MACROD2: variants seen among roughly 807,000 people sequenced by gnomAD.
The protein encoded by MACROD2 is ADP-ribose glycohydrolase MACROD2.
MACROD2 carries 36 observed loss-of-function variants against 70.4 expected under a neutral mutation model. The ratio of observed to expected loss-of-function variants is 0.51; its 90% CI spans 0.39 to 0.68. The LOEUF (loss-of-function observed/expected upper bound fraction) is 0.68. MACROD2 is among the 30% of genes least tolerant of loss of function. The probability of loss-of-function intolerance (pLI) is 0.00; values close to 1 mark genes in which losing one functional copy is unlikely to be tolerated. For missense variants in MACROD2, 496 were observed against 538.4 expected (o/e 0.92, Z 0.78); for synonymous variants, 172 against 178.8 (o/e 0.96, Z 0.30).
intron 11 of MACROD2, among the ~76,000 whole-genome samples, chr20:15,934,259 G>C (rs1346565584): frequency 6.6e-6 from 1 of 152,146 alleles, no homozygotes; most frequent in Non-Finnish European, 1.5e-5. Flanking sequence ...CAGGTAGTGT[G>C]ATAAGTTTTT....
intron 8 of MACROD2, among the ~76,000 whole-genome samples, chr20:15,669,506 T>C (rs915423588): frequency 6.6e-6 from 1 of 152,058 alleles, no homozygotes; most frequent in African/African-American, 2.4e-5. Context: ...ACCACATCAC[T>C]CCCCCCAACT....
At chr20:14,688,554 A>G (rs577390012) in intron 5 of MACROD2, among the ~76,000 whole-genome samples, 17 of 151,274 alleles carry the variant, frequency 1.1e-4, no homozygotes, top group Admixed American at 4.0e-4. Flanking sequence ...ATATTGGTCA[A>G]TATTTCATTG....
chr20:14,558,267 T>C (rs1209466444), intron 4 of MACROD2, among the ~76,000 whole-genome samples: 1 of 151,734 alleles, frequency 6.6e-6, no homozygotes, highest in African/African-American at 2.4e-5. Flanking sequence ...CAGAAATTGA[T>C]TGTGGTGATG....
chr20:14,523,140 G>A (rs2085189315), intron 4 of MACROD2, among the ~76,000 whole-genome samples: 1 of 152,060 alleles, frequency 6.6e-6, no homozygotes, highest in Non-Finnish European at 1.5e-5. Context: ...ACGCTGGCAT[G>A]TTTCTGCTGT....
intron 3 of MACROD2, among the ~76,000 whole-genome samples, chr20:14,368,530 G>A (rs1395790878): frequency 1.3e-5 from 2 of 151,310 alleles, no homozygotes; most frequent in South Asian, 2.1e-4. Context: ...GTGACAGAGC[G>A]AGACTCTGTC....
At chr20:15,639,470 C>T (rs1321238580) in intron 8 of MACROD2, among the ~76,000 whole-genome samples, 2 of 152,150 alleles carry the variant, frequency 1.3e-5, no homozygotes, top group Non-Finnish European at 2.9e-5. Flanking sequence ...TCTCCTCAGC[C>T]CCCACTGTAG....
rs144792282 is a variant in MACROD2, at chr20:15,070,079, G to C, written c.419-159861G>C. Among the ~76,000 whole-genome samples, 97 of 152,238 alleles carry C rather than the reference G, an allele frequency of 6.4e-4. 2 individuals are homozygous for C. In the East Asian group the frequency reaches 0.012, roughly 19 times the overall value. ...AAGCTACAGGGGCAGGGCTTCCCAA[G>C]GCCTTGGGAGCCCACCCCTCACACC... On this transcript the variant is annotated intron_variant, in intron 5 of 17. Coordinates refer to ENST00000684519, the MANE Select transcript of MACROD2 (RefSeq NM_001351661.2).
intron 8 of MACROD2, among the ~76,000 whole-genome samples, chr20:15,858,375 A>G (rs1352681834): frequency 1.3e-5 from 2 of 152,142 alleles, no homozygotes; most frequent in African/African-American, 4.8e-5. Context: ...TATGGGGCAT[A>G]TGGGCCCTTT....
chr20:14,375,053 T>C (rs2083359361), intron 3 of MACROD2, among the ~76,000 whole-genome samples: 1 of 152,078 alleles, frequency 6.6e-6, no homozygotes, highest in Admixed American at 6.6e-5. Context: ...GTATATTCAC[T>C]TTTTTTGTCC....
At chr20:15,895,480 C>T (rs1026273551) in intron 10 of MACROD2, among the ~76,000 whole-genome samples, 9 of 152,176 alleles carry the variant, frequency 5.9e-5, no homozygotes, top group South Asian at 2.1e-4. Flanking sequence ...GAGCGCCATC[C>T]GGCAGGCAGC....
rs994804448 is a variant in MACROD2, at chr20:15,184,678, C to T, written c.419-45262C>T. On this transcript the variant is annotated intron_variant, in intron 5 of 17. Coordinates refer to ENST00000684519, the MANE Select transcript of MACROD2 (RefSeq NM_001351661.2). ...CAGCTTTCATCAACATTGGCCAGCA[C>T]TCAGCCACCTGATCTCAGCCAGGTG... 7.2e-5 allele frequency among the ~76,000 whole-genome samples: 11 copies of T among 152,302 alleles called. No individual in the cohort carries two copies. The East Asian group carries it at 1.7e-3, about 24-fold the overall frequency.
intron 6 of MACROD2, among the ~76,000 whole-genome samples, chr20:15,338,042 G>A (rs1026613630): frequency 6.6e-6 from 1 of 151,526 alleles, no homozygotes; most frequent in Non-Finnish European, 1.5e-5. Flanking sequence ...GTAGGTAAAT[G>A]GTGGCCTTCA....
intron 3 of MACROD2, among the ~76,000 whole-genome samples, chr20:14,144,144 C>G (rs555700121): frequency 4.0e-5 from 6 of 151,840 alleles, no homozygotes; most frequent in Admixed American, 3.9e-4. Flanking sequence ...TACTTGTGCT[C>G]TTGGAAATTT....
intron 5 of MACROD2, among the ~76,000 whole-genome samples, chr20:15,175,799 A>G (rs1201036957): frequency 1.3e-5 from 2 of 152,206 alleles, no homozygotes; most frequent in Non-Finnish European, 2.9e-5. Context: ...AGGTGCAACC[A>G]TGGCTGTGTG....
chr20:14,934,319 A>C (rs560483643), intron 5 of MACROD2, among the ~76,000 whole-genome samples: 1 of 152,216 alleles, frequency 6.6e-6, no homozygotes, highest in African/African-American at 2.4e-5. Context: ...CAACAGAAGA[A>C]GGCCACATTC....
At chr20:14,270,186 T>C (rs934844263) in intron 3 of MACROD2, among the ~76,000 whole-genome samples, 31 of 152,312 alleles carry the variant, frequency 2.0e-4, no homozygotes, top group African/African-American at 7.0e-4. Flanking sequence ...AAAAACAACA[T>C]ATGAAAGTGT....
intron 8 of MACROD2, among the ~76,000 whole-genome samples, chr20:15,500,916 G>A (rs1387443054): frequency 6.6e-6 from 1 of 152,116 alleles, no homozygotes; most frequent in Non-Finnish European, 1.5e-5. Flanking sequence ...CCTAAAAGAA[G>A]CAGGAGAAAA....
At chr20:15,492,654 T>C (rs546413803) in intron 7 of MACROD2, among the ~76,000 whole-genome samples, 2 of 152,348 alleles carry the variant, frequency 1.3e-5, no homozygotes, top group East Asian at 3.9e-4. Context: ...TGATACATCC[T>C]TCTCACTCAG....
intron 3 of MACROD2, among the ~76,000 whole-genome samples, chr20:14,418,535 C>G (rs775809170): frequency 1.3e-5 from 2 of 152,200 alleles, no homozygotes; most frequent in African/African-American, 2.4e-5. Flanking sequence ...AAGTTACTCC[C>G]CAACTACTAT....
Sources: allele counts gnomAD v4.1 joint callset (sites outside exome capture counted in the v4.1 genomes callset), GRCh38; gene constraint gnomAD v4.1.1; transcripts MANE v1.5; gene names NCBI Gene and HGNC (gene_info 2026-07-23, HGNC 2026-07-21).